The following DMD variants were observed in gnomAD, a reference collection of about 807,000 sequenced individuals.
The protein encoded by DMD is mutant dystrophin.
Under a neutral mutation model 330.1 loss-of-function variants are expected in DMD, and 63 were observed. That is an observed-to-expected ratio of 0.19 (90% CI 0.16 to 0.24). The LOEUF (loss-of-function observed/expected upper bound fraction) is 0.24, where lower values mean the gene tolerates loss of function less well. Among genes scored for constraint, DMD ranks in the 10% least tolerant of loss-of-function variants. The pLI is 1.00. For missense variants in DMD, 3,344 were observed against 2,684.1 expected, an observed-to-expected ratio of 1.25 and a Z score of -5.43; for synonymous variants, 1,223 against 959.8, an observed-to-expected ratio of 1.27 and a Z score of -5.07.
intron 55 of DMD, among the ~76,000 whole-genome samples, chrX:31,622,871 T>C (rs768235731): frequency 0.13 from 11,577 of 88,510 alleles, 844 homozygotes; most frequent in Admixed American, 0.21. Flanking sequence ...TATATATATA[T>C]ATATATACAC....
At chrX:32,730,686 G>A (rs1006935155) in intron 7 of DMD, among the ~76,000 whole-genome samples, 3 of 112,066 alleles carry the variant, frequency 2.7e-5, no homozygotes, top group Non-Finnish European at 5.6e-5. Flanking sequence ...CTTTAATATA[G>A]GTAGTGGGAG....
chrX:33,208,060 C>G (rs1461595051), intron 1 of DMD, among the ~76,000 whole-genome samples: 1 of 111,166 alleles, frequency 9.0e-6, no homozygotes, highest in African/African-American at 3.3e-5. Flanking sequence ...AAAAATAAAC[C>G]AAGGTCATCA....
intron 29 of DMD, among the ~76,000 whole-genome samples, chrX:32,420,053 C>G (rs2098183434): frequency 8.9e-6 from 1 of 111,776 alleles, no homozygotes; most frequent in African/African-American, 3.3e-5. Flanking sequence ...AAGCATTATT[C>G]AGTAAACATA....
intron 33 of DMD, among the ~76,000 whole-genome samples, chrX:32,385,142 C>T (rs1234391735): frequency 1.8e-5 from 2 of 110,614 alleles, no homozygotes; most frequent in East Asian, 2.8e-4. Context: ...ATCATAATTA[C>T]CTGATTCAAA....
intron 2 of DMD, among the ~76,000 whole-genome samples, chrX:32,989,768 T>A (rs1050857054): frequency 9.0e-6 from 1 of 111,421 alleles, no homozygotes; most frequent in Non-Finnish European, 1.9e-5. Flanking sequence ...TAAAAAGTAC[T>A]TTGTGTAAAT....
At chrX:31,449,897 C>A (rs1410607856) in intron 59 of DMD, among the ~76,000 whole-genome samples, 1 of 104,500 alleles carries the variant, frequency 9.6e-6, no homozygotes, top group Non-Finnish European at 1.9e-5. Flanking sequence ...TTAAATATTC[C>A]TCCTAAAATC....
At chrX:32,327,679 A>C (rs1014644644) in intron 41 of DMD, among the ~76,000 whole-genome samples, 1 of 111,296 alleles carries the variant, frequency 9.0e-6, no homozygotes. Flanking sequence ...GTTCTCTGTC[A>C]ATGTTCCAGG....
At chrX:33,322,896 A>G (rs1349082307) in intron 1 of DMD, among the ~76,000 whole-genome samples, 3 of 111,587 alleles carry the variant, frequency 2.7e-5, no homozygotes, top group Non-Finnish European at 5.7e-5. Flanking sequence ...ATCATCTCTA[A>G]GAAAATTCAG....
chrX:32,986,669 C>T (rs1246192186), intron 2 of DMD, among the ~76,000 whole-genome samples: 1 of 112,237 alleles, frequency 8.9e-6, no homozygotes, highest in East Asian at 2.8e-4. Context: ...GTCTTATCTA[C>T]ATTGAAGCAA....
intron 48 of DMD, among the ~76,000 whole-genome samples, chrX:31,871,393 C>CT (rs767928657): frequency 3.5e-3 from 391 of 110,757 alleles, no homozygotes; most frequent in African/African-American, 0.012. Flanking sequence ...GCCCTTAAAG[C>CT]TTTTTTTTAT....
At chrX:32,070,057 G>T (rs1334375918) in intron 44 of DMD, among the ~76,000 whole-genome samples, 1 of 111,351 alleles carries the variant, frequency 9.0e-6, no homozygotes, top group Non-Finnish European at 1.9e-5. Flanking sequence ...GAGGAAAGCA[G>T]GCTTGATCTA....
intron 44 of DMD, among the ~76,000 whole-genome samples, chrX:32,085,792 G>A (rs989382538): frequency 1.8e-5 from 2 of 109,070 alleles, no homozygotes; most frequent in African/African-American, 3.3e-5. Flanking sequence ...GTGCATTTAC[G>A]ATATCTGGCA....
rs1430421860 is a variant in DMD at position 32,173,459 on chromosome X, G to A, written c.6438+43457C>T. On this transcript the variant is annotated intron_variant, in intron 44 of 78. Coordinates refer to ENST00000357033, the MANE Select transcript of DMD (RefSeq NM_004006.3). ...GCGATCTCGGCTCACTGCAACCTCCGCCTCCCAGGTTCAAGTGATTCTCCT... is the reference window on the plus strand; with the variant it reads ...GCGATCTCGGCTCACTGCAACCTCCACCTCCCAGGTTCAAGTGATTCTCCT... Among the ~76,000 whole-genome samples the A allele has an allele frequency of 2.7e-5, 3 of 110,488 alleles. No individual in the cohort carries two copies. The East Asian group carries it at 8.5e-4, about 31-fold the overall frequency.
chrX:31,529,342 G>A (rs990400739), intron 55 of DMD, among the ~76,000 whole-genome samples: 2 of 110,626 alleles, frequency 1.8e-5, no homozygotes, highest in African/African-American at 3.3e-5. Flanking sequence ...CTATGATCAT[G>A]CCACTCCACT....
At chrX:31,736,156 A>G (rs1046764377) in intron 51 of DMD, among the ~76,000 whole-genome samples, 2 of 111,859 alleles carry the variant, frequency 1.8e-5, no homozygotes, top group Non-Finnish European at 3.8e-5. Flanking sequence ...GAACACATTT[A>G]AACACAAATT....
rs1426470835 is a variant in DMD, at chrX:32,342,342, C to G, written c.5740-60G>C. The G allele has an allele frequency of 5.3e-6, 6 of 1,133,978 alleles. No individual in the cohort carries two copies. The African/African-American group carries it at 7.2e-5, about 14-fold the overall frequency. The allele number at this position is 1,133,978 out of a possible 1,213,427, so 93.5% of individuals were successfully genotyped here. ...TTAGCTAACCACATCAACCGACTTG[C>G]AAGCAGCAAATACTTCTCTCAAAAT... On this transcript the variant is annotated intron_variant, in intron 40 of 78. Coordinates refer to ENST00000357033, the MANE Select transcript of DMD (RefSeq NM_004006.3).
chrX:31,522,363 C>CTCTATATATA, intron 55 of DMD, among the ~76,000 whole-genome samples: 41 of 35,958 alleles, frequency 1.1e-3, no homozygotes, highest in East Asian at 1.9e-3. Context: ...CTCTCTCTCT[C>CTCTATATATA]TATATATATA....
chrX:32,496,930 G>A (rs1028272926), intron 19 of DMD, among the ~76,000 whole-genome samples: 1 of 112,188 alleles, frequency 8.9e-6, no homozygotes, highest in Non-Finnish European at 1.9e-5. Context: ...ATGATGAAGG[G>A]GCTGGGCTAC....
intron 30 of DMD, among the ~76,000 whole-genome samples, chrX:32,396,690 TAATTC>T (rs1012492592): frequency 9.0e-6 from 1 of 111,719 alleles, no homozygotes; most frequent in Non-Finnish European, 1.9e-5. Flanking sequence ...TCATTAATAA[TAATTC>T]AATTCATTAC....
Sources: allele counts gnomAD v4.1 joint callset (sites outside exome capture counted in the v4.1 genomes callset), GRCh38; gene constraint gnomAD v4.1.1; transcripts MANE v1.5; gene names NCBI Gene and HGNC (gene_info 2026-07-23, HGNC 2026-07-21).